The following CNGB3 variants were observed in gnomAD, a reference collection of about 807,000 sequenced individuals.
CNGB3 encodes cyclic nucleotide gated channel subunit beta 3.
A neutral mutation model predicts 92.8 loss-of-function variants in CNGB3; 86 were observed. That is an observed-to-expected ratio of 0.93 (90% CI 0.78 to 1.11). The LOEUF is 1.11. CNGB3 is among the 50% of genes least tolerant of loss of function. CNGB3 has a pLI of 0.00. For synonymous variants in CNGB3, 333 were observed against 332.7 expected (o/e 1.00, Z -0.01); for missense variants, 1,026 against 956.8 (o/e 1.07, Z -0.95).
intron 15 of CNGB3, among the ~76,000 whole-genome samples, chr8:86,584,470 G>T (rs1257392177): frequency 6.6e-6 from 1 of 152,170 alleles, no homozygotes; most frequent in Non-Finnish European, 1.5e-5. Context: ...TTGCCTACAG[G>T]TTACACGTTT....
intron 17 of CNGB3, among the ~76,000 whole-genome samples, chr8:86,576,459 C>T (rs952723267): frequency 3.3e-5 from 5 of 152,116 alleles, no homozygotes; most frequent in Non-Finnish European, 7.4e-5. Flanking sequence ...TAAATATTTA[C>T]TTATTCTGTA....
At chr8:86,715,481 C>G (rs113774791) in intron 3 of CNGB3, among the ~76,000 whole-genome samples, 2 of 152,178 alleles carry the variant, frequency 1.3e-5, no homozygotes, top group African/African-American at 4.8e-5. Context: ...GAAGCCCCAT[C>G]CCTAGGGAAA....
In CNGB3 at chr8:86,655,072, A is replaced by G. The variant is rs148762076; in HGVS notation, c.853-1010T>C. Among the ~76,000 whole-genome samples, 673 of 152,190 alleles carry G rather than the reference A, an allele frequency of 4.4e-3. 3 individuals are homozygous for G. Among genetic ancestry groups the G allele is most frequent in the African/African-American group, 0.015 (634 of 41,514 alleles). On this transcript the variant is annotated intron_variant, in intron 6 of 17. Coordinates refer to ENST00000320005, the MANE Select transcript of CNGB3 (RefSeq NM_019098.5). ...ACTGCTGCTCCTCCTGCTTCCGAGT[A>G]TCCTATGAGCAATCTCATCTACACT...
At chr8:86,613,649 AG>A (rs2131568193) in intron 13 of CNGB3, among the ~76,000 whole-genome samples, 1 of 152,228 alleles carries the variant, frequency 6.6e-6, no homozygotes, top group African/African-American at 2.4e-5. Context: ...AGATCTCAAA[AG>A]ACCCACTTAT....
chr8:86,703,198 CTAAT>C (rs1217447971), intron 3 of CNGB3, among the ~76,000 whole-genome samples: 4 of 151,908 alleles, frequency 2.6e-5, no homozygotes, highest in Admixed American at 2.6e-4. Flanking sequence ...TAAAACAAGA[CTAAT>C]TAATTTTTCA....
intron 15 of CNGB3, among the ~76,000 whole-genome samples, chr8:86,596,295 G>A (rs917619480): frequency 2.6e-5 from 4 of 152,116 alleles, no homozygotes; most frequent in Non-Finnish European, 5.9e-5. Context: ...ATGCAAATTG[G>A]TTCAATTTTT....
At chr8:86,689,544 TTTTTTA>T (rs200209545) in intron 3 of CNGB3, among the ~76,000 whole-genome samples, 86 of 150,856 alleles carry the variant, frequency 5.7e-4, no homozygotes, top group East Asian at 2.3e-3. Context: ...ATTTCTTTAT[TTTTTTA>T]TTTTTATTTT....
intron 3 of CNGB3, among the ~76,000 whole-genome samples, chr8:86,677,844 G>A (rs191778439): frequency 6.6e-6 from 1 of 152,228 alleles, no homozygotes; most frequent in East Asian, 1.9e-4. Context: ...CTCCCCATTT[G>A]TCTTAACAAG....
intron 13 of CNGB3, among the ~76,000 whole-genome samples, chr8:86,625,204 G>T (rs143778631): frequency 1.3e-5 from 2 of 151,964 alleles, no homozygotes; most frequent in African/African-American, 4.8e-5. Flanking sequence ...TGTTCATGGC[G>T]TTATCACCTC....
Position 86,575,348 on chromosome 8 carries a change from A to G in CNGB3, c.*456T>C, listed in dbSNP as rs1331391823. The G allele has an allele frequency of 6.5e-6, 1 of 153,056 alleles. No individual in the cohort carries two copies. Among genetic ancestry groups the G allele is most frequent in the African/African-American group, 2.4e-5 (1 of 41,474 alleles). 9.5% of individuals were successfully genotyped at this position (153,056 alleles called of 1,614,324 possible). ...AATAATCTGATTTTTGACCTATTAC[A>G]TTAAAATCTTATACCCTTTACATGT... On this transcript the variant is annotated 3_prime_UTR_variant, in exon 18 of 18. Transcript: ENST00000320005.
chr8:86,586,040 C>T (rs1263085036), intron 15 of CNGB3, among the ~76,000 whole-genome samples: 2 of 151,890 alleles, frequency 1.3e-5, no homozygotes, highest in Non-Finnish European at 2.9e-5. Context: ...TGGATGCATC[C>T]AAGATTGTAC....
At chr8:86,698,712 G>T (rs1311948113) in intron 3 of CNGB3, among the ~76,000 whole-genome samples, 1 of 152,170 alleles carries the variant, frequency 6.6e-6, no homozygotes, top group Non-Finnish European at 1.5e-5. Context: ...GTGGGAAGGG[G>T]TAGTTTGTTA....
At position 86,709,782 on chromosome 8, in the gene CNGB3, G is replaced by GA. The variant is rs373554326; in HGVS notation, c.338+16748dup. Among the ~76,000 whole-genome samples the GA allele has an allele frequency of 3.5e-3, 529 of 152,038 alleles. 1 individual carries two copies. The highest frequency in any genetic ancestry group is 0.013 in the African/African-American group (519 of 41,486). ...ATGGCTAATGAAAACAGCCATATTT[G>GA]AAAAAAATTCCTATATTTAAAACAA... On this transcript the variant is annotated intron_variant, in intron 3 of 17. Coordinates refer to ENST00000320005, the MANE Select transcript of CNGB3 (RefSeq NM_019098.5).
intron 7 of CNGB3, among the ~76,000 whole-genome samples, chr8:86,649,075 A>C (rs1400000558): frequency 2.0e-5 from 3 of 151,442 alleles, no homozygotes; most frequent in African/African-American, 7.3e-5. Flanking sequence ...ACTGTAAAAC[A>C]ACAACAATAA....
At chr8:86,720,744 A>G (rs1824950829) in intron 3 of CNGB3, among the ~76,000 whole-genome samples, 1 of 151,482 alleles carries the variant, frequency 6.6e-6, no homozygotes, top group Non-Finnish European at 1.5e-5. Flanking sequence ...TATGGAACCA[A>G]CCCAAATGCT....
At chr8:86,626,105 C>T (rs1377554828) in intron 12 of CNGB3, 25 bp from the exon 13 acceptor site, 2 of 1,529,098 alleles carry the variant, frequency 1.3e-6, no homozygotes, top group South Asian at 1.1e-5. Flanking sequence ...ACACATCAAA[C>T]CCCGATGCAG....
chr8:86,694,655 C>A (rs1408051228), intron 3 of CNGB3, among the ~76,000 whole-genome samples: 2 of 150,520 alleles, frequency 1.3e-5, no homozygotes, highest in Admixed American at 6.6e-5. Flanking sequence ...TCCTCACATC[C>A]CAGATGGGGC....
At chr8:86,624,210 G>C (rs1822798296) in intron 13 of CNGB3, among the ~76,000 whole-genome samples, 1 of 152,080 alleles carries the variant, frequency 6.6e-6, no homozygotes, top group Non-Finnish European at 1.5e-5. Context: ...CTTGAAGTCA[G>C]GAGTTCAAGA....
intron 10 of CNGB3, among the ~76,000 whole-genome samples, chr8:86,635,861 T>TATACATAC (rs1554611017): frequency 1.5e-4 from 10 of 66,270 alleles, no homozygotes; most frequent in Non-Finnish European, 2.1e-4. Flanking sequence ...TATATATATA[T>TATACATAC]ATACACATAC....
Sources: gnomAD v4.1 joint callset for allele counts (sites outside exome capture counted in the v4.1 genomes callset) on GRCh38, gnomAD v4.1.1 for gene constraint, MANE v1.5 for transcripts, NCBI Gene and HGNC (gene_info 2026-07-23, HGNC 2026-07-21) for gene names.